ZNF624: variants seen among roughly 807,000 people sequenced by gnomAD.
ZNF624 encodes zinc finger protein 624.
In ZNF624, 43 loss-of-function variants were observed where a neutral mutation model predicts 74.7. The ratio of observed to expected loss-of-function variants is 0.58; its 90% CI spans 0.45 to 0.74. The LOEUF is 0.74. Among genes scored for constraint, ZNF624 ranks in the 30% least tolerant of loss-of-function variants. ZNF624 has a pLI of 0.00. For missense variants in ZNF624, 820 were observed against 1,030.0 expected, an observed-to-expected ratio of 0.80 and a Z score of 2.79; for synonymous variants, 331 against 341.3, an observed-to-expected ratio of 0.97 and a Z score of 0.33.
rs1908934421 is a variant in ZNF624 at position 16,622,280 on chromosome 17, A to T, written c.*8T>A. The T allele has an allele frequency of 6.5e-7, 1 of 1,531,756 alleles. No individual in the cohort carries two copies. Among genetic ancestry groups the T allele is most frequent in the Admixed American group, 2.2e-5 (1 of 45,948 alleles). 94.9% of individuals were successfully genotyped at this position (1,531,756 alleles called of 1,614,324 possible). A position where few individuals can be genotyped will look rare whatever the true frequency, so the allele number is the denominator to read the frequency against. On this transcript the variant is annotated 3_prime_UTR_variant, in exon 6 of 6. Coordinates refer to ENST00000311331, the MANE Select transcript of ZNF624 (RefSeq NM_020787.4). ...GAGTTGACATCTAGGTGAATGACTT[A>T]TTGTTCTTTATATTAACTGAGTTTC...
chr17:16,628,430 T>C (rs1003025734), intron 5 of ZNF624, among the ~76,000 whole-genome samples: 1 of 152,136 alleles, frequency 6.6e-6, no homozygotes, highest in Non-Finnish European at 1.5e-5. Context: ...GAACATAAGA[T>C]TAACAATCTC....
intron 2 of ZNF624, among the ~76,000 whole-genome samples, chr17:16,648,281 C>T (rs1909641363): frequency 2.0e-5 from 3 of 152,148 alleles, no homozygotes; most frequent in African/African-American, 7.2e-5. Context: ...TGAAATTTTA[C>T]TTTACCTTCT....
At chr17:16,630,909 T>C (rs943698525) in intron 5 of ZNF624, among the ~76,000 whole-genome samples, 2 of 139,298 alleles carry the variant, frequency 1.4e-5, no homozygotes, top group Admixed American at 7.1e-5. Flanking sequence ...TCTCAATTGA[T>C]AGAATAAGCT....
chr17:16,618,853 T>C (rs920218726), downstream of ZNF624, among the ~76,000 whole-genome samples: 1 of 152,226 alleles, frequency 6.6e-6, no homozygotes, highest in Non-Finnish European at 1.5e-5. Flanking sequence ...ACAAAATATG[T>C]GTTAATTGAC....
chr17:16,634,097 A>C (rs1292198464), intron 4 of ZNF624, 140 bp from the exon 5 acceptor site: 2 of 543,748 alleles, frequency 3.7e-6, no homozygotes, highest in East Asian at 5.8e-5. Context: ...ACAGTTGCCA[A>C]TTGTCACATA....
chr17:16,638,882 G>C (rs1388986793), intron 3 of ZNF624, among the ~76,000 whole-genome samples: 1 of 151,998 alleles, frequency 6.6e-6, no homozygotes, highest in African/African-American at 2.4e-5. Context: ...TAAAAAGAGG[G>C]GGAACAGGTT....
intron 3 of ZNF624, among the ~76,000 whole-genome samples, chr17:16,638,451 T>A (rs1434156685): frequency 1.3e-5 from 2 of 152,100 alleles, no homozygotes; most frequent in Admixed American, 6.6e-5. Context: ...ATAGCAGACT[T>A]GGAACCAACC....
At position 16,649,754 on chromosome 17, in the gene ZNF624, A is replaced by C. The variant is rs745528916; in HGVS notation, c.-2-8T>G. The C allele has an allele frequency of 1.2e-6, 2 of 1,610,292 alleles. No individual in the cohort carries two copies. The highest frequency in any genetic ancestry group is 1.7e-6 in the Non-Finnish European group (2 of 1,176,660). ...AGTCTTGCAAAGACATACCTAAGGA[A>C]GAGAAATAAGCCATGGAAACCAATC... On this transcript the variant is annotated splice_polypyrimidine_tract_variant and splice_region_variant and intron_variant, in intron 1 of 5. Transcript: ENST00000311331.
chr17:16,624,208 T>G lies in ZNF624; in HGVS notation c.678A>C (p.Thr226=). 1 of 1,614,188 alleles carries G rather than the reference T, an allele frequency of 6.2e-7. No individual in the cohort carries two copies. The highest frequency in any genetic ancestry group is 8.5e-7 in the Non-Finnish European group (1 of 1,180,028). Residue 226 remains threonine, a synonymous_variant, in exon 6 of 6, where the codon ACA becomes ACC. Coordinates refer to ENST00000311331, the MANE Select transcript of ZNF624 (RefSeq NM_020787.4). ...AATTCTCTGTGAAATTTTCCTCTTGTGTTTGGCATCTGCTGTGAAGCTCTT... is the reference window on the plus strand; with the variant it reads ...AATTCTCTGTGAAATTTTCCTCTTGGGTTTGGCATCTGCTGTGAAGCTCTT... The part of the protein sequence containing the change: ...ATEELHSRCQ[T]QEENFTENLN...
At chr17:16,634,793 C>A in intron 3 of ZNF624, 37 bp from the exon 4 acceptor site, 8 of 1,575,268 alleles carry the variant, frequency 5.1e-6, no homozygotes, top group Non-Finnish European at 6.9e-6. Context: ...AGAAACTATA[C>A]AATTAGACTT....
At chr17:16,624,542 C>A (rs770092124) in intron 5 of ZNF624, 33 bp from the exon 6 acceptor site, 13 of 1,522,334 alleles carry the variant, frequency 8.5e-6, no homozygotes, top group African/African-American at 1.4e-5. Flanking sequence ...CAAGTAATTC[C>A]TTTCCTAAGC....
At chr17:16,617,228 C>A, downstream of ZNF624, 1 of 1,612,730 alleles carries the variant, frequency 6.2e-7, no homozygotes, top group Non-Finnish European at 8.5e-7. Context: ...CTTTTTGAGA[C>A]ACTTCCAGAT....
intron 3 of ZNF624, among the ~76,000 whole-genome samples, chr17:16,644,860 T>C (rs777556299): frequency 2.6e-5 from 4 of 152,242 alleles, no homozygotes; most frequent in Non-Finnish European, 4.4e-5. Context: ...TTTAAAGTCA[T>C]AGACTGTCAG....
At chr17:16,624,853 CAAAAAAAAAAAAAAAAAAAA>C (rs59170659) in intron 5 of ZNF624, 8 of 44,006 alleles carry the variant, frequency 1.8e-4, no homozygotes, top group Admixed American at 3.3e-4. Context: ...CCTGTCTCTA[CAAAAAAAAAAAAAAAAAAAA>C]AAAAAAAAAA....
downstream of ZNF624, chr17:16,617,628 C>A: frequency 1.2e-6 from 2 of 1,607,096 alleles, no homozygotes; most frequent in East Asian, 2.2e-5. Context: ...TCCACCACGG[C>A]GGCTTCCGTA....
chr17:16,652,488 T>C (rs187654167), intron 1 of ZNF624, among the ~76,000 whole-genome samples: 1 of 151,830 alleles, frequency 6.6e-6, no homozygotes, highest in East Asian at 1.9e-4. Flanking sequence ...TAATAAACTC[T>C]TTGGCAATAC....
intron 3 of ZNF624, among the ~76,000 whole-genome samples, chr17:16,636,678 T>C (rs911906138): frequency 1.1e-4 from 16 of 151,992 alleles, no homozygotes; most frequent in African/African-American, 3.6e-4. Flanking sequence ...CAACTAAAAA[T>C]ACAAAAAATT....
downstream of ZNF624, chr17:16,617,051 A>T: frequency 6.2e-7 from 1 of 1,610,728 alleles, no homozygotes; most frequent in Non-Finnish European, 8.5e-7. Flanking sequence ...GGGGATCCGG[A>T]CCGAGACCTG....
At chr17:16,631,364 T>A (rs1272328832) in intron 5 of ZNF624, 1 of 151,912 alleles carries the variant, frequency 6.6e-6, no homozygotes, top group African/African-American at 2.4e-5. Flanking sequence ...TGGAATAAAA[T>A]AATAAAGAAC....
Sources: allele counts gnomAD v4.1 joint callset (sites outside exome capture counted in the v4.1 genomes callset), GRCh38; gene constraint gnomAD v4.1.1; transcripts MANE v1.5; gene names NCBI Gene and HGNC (gene_info 2026-07-23, HGNC 2026-07-21).